CEP83: variants seen among roughly 807,000 people sequenced by gnomAD.
CEP83 encodes the protein centrosomal protein 83.
CEP83 carries 70 observed loss-of-function variants against 101.9 expected under a neutral mutation model. That is an observed-to-expected ratio of 0.69 (90% CI 0.57 to 0.84). The LOEUF (loss-of-function observed/expected upper bound fraction) is 0.84. Ranked by LOEUF, CEP83 falls within the 40% of genes least tolerant of loss-of-function variation. The pLI, the probability that CEP83 is intolerant of heterozygous loss-of-function variation, is 0.00. For missense variants in CEP83, 715 were observed against 787.2 expected (o/e 0.91, Z 1.10); for synonymous variants, 264 against 267.9 (o/e 0.99, Z 0.14).
chr12:94,437,762 C>G (rs58303680), intron 1 of CEP83, among the ~76,000 whole-genome samples: 1 of 152,156 alleles, frequency 6.6e-6, no homozygotes, highest in Admixed American at 6.5e-5. Context: ...CTCAAAACAT[C>G]AAAATAGAAC....
At chr12:94,293,893 C>T in the CEP83 span, among the ~76,000 whole-genome samples, 263 of 152,158 alleles carry the variant, frequency 1.7e-3, 11 homozygotes, top group East Asian at 0.041. Context: ...GTGCTGGGAT[C>T]GCAGGAGTGA....
intron 6 of CEP83, among the ~76,000 whole-genome samples, chr12:94,398,648 G>T (rs1312091226): frequency 6.6e-6 from 1 of 152,132 alleles, no homozygotes; most frequent in Non-Finnish European, 1.5e-5. Context: ...CGATTTTCAG[G>T]GAACAAGGGA....
At chr12:94,322,091 T>A (rs990017104) in intron 14 of CEP83, among the ~76,000 whole-genome samples, 10 of 152,004 alleles carry the variant, frequency 6.6e-5, no homozygotes, top group African/African-American at 2.4e-4. Flanking sequence ...TAACAGGAGG[T>A]GGCTAGAGAC....
Position 94,376,438 on chromosome 12 carries a change from T to A in CEP83, c.802-421A>T, listed in dbSNP as rs1404443644. 2.0e-5 allele frequency among the ~76,000 whole-genome samples: 3 copies of A among 150,532 alleles called. No homozygotes were observed. The East Asian group carries it at 5.8e-4, about 29-fold the overall frequency. On this transcript the variant is annotated intron_variant, in intron 7 of 16. Coordinates refer to ENST00000397809, the MANE Select transcript of CEP83 (RefSeq NM_016122.3). The stretch of plus-strand genomic sequence containing the variant: ...GATAGTAACAAGTAAAAATTGAAAA[T>A]CTAAAATCAATGATTTTAAAAAAAG...
chr12:94,278,714 T>C, the CEP83 span, among the ~76,000 whole-genome samples: 1 of 152,104 alleles, frequency 6.6e-6, no homozygotes, highest in Non-Finnish European at 1.5e-5. Context: ...GTGACCTCTT[T>C]GGGCCGGGCA....
intron 8 of CEP83, among the ~76,000 whole-genome samples, chr12:94,375,436 G>A (rs1474666237): frequency 6.6e-6 from 1 of 151,794 alleles, no homozygotes; most frequent in African/African-American, 2.4e-5. Context: ...AAGTGAACAG[G>A]AGGAAAAATA....
At chr12:94,331,249 C>T (rs1465140980) in intron 14 of CEP83, among the ~76,000 whole-genome samples, 2 of 129,494 alleles carry the variant, frequency 1.5e-5, no homozygotes, top group African/African-American at 6.2e-5. Context: ...CAAGATTGCA[C>T]CACTGCAATC....
intron 8 of CEP83, among the ~76,000 whole-genome samples, 156 bp downstream of exon 8, chr12:94,375,730 A>G (rs1266100705): frequency 6.6e-6 from 1 of 152,232 alleles, no homozygotes; most frequent in East Asian, 1.9e-4. Context: ...GAGGCATAAG[A>G]TAACATACTC....
At chr12:94,369,628 C>T (rs1361215613) in intron 9 of CEP83, 3 of 209,970 alleles carry the variant, frequency 1.4e-5, no homozygotes, top group Non-Finnish European at 2.8e-5. Flanking sequence ...CTAATAACTA[C>T]ACCATAAATA....
chr12:94,458,092 G>A (rs1441921654), intron 1 of CEP83, among the ~76,000 whole-genome samples: 2 of 151,884 alleles, frequency 1.3e-5, no homozygotes, highest in African/African-American at 4.8e-5. Flanking sequence ...AGCTACTCGG[G>A]AGGCTGAGAG....
chr12:94,337,164 T>G (rs2136561613), intron 11 of CEP83, among the ~76,000 whole-genome samples: 1 of 152,246 alleles, frequency 6.6e-6, no homozygotes, highest in South Asian at 2.1e-4. Context: ...TCTATATAGG[T>G]TACACAGACA....
intron 6 of CEP83, among the ~76,000 whole-genome samples, chr12:94,390,974 A>G (rs2062487449): frequency 6.6e-6 from 1 of 152,208 alleles, no homozygotes; most frequent in South Asian, 2.1e-4. Context: ...ATATGGGACT[A>G]TGTGAAAAGA....
intron 2 of CEP83, among the ~76,000 whole-genome samples, chr12:94,433,505 A>C (rs1418247162): frequency 6.6e-6 from 1 of 152,020 alleles, no homozygotes; most frequent in Non-Finnish European, 1.5e-5. Flanking sequence ...ACATGGTGAA[A>C]GCCTGTTTCT....
intron 1 of CEP83, among the ~76,000 whole-genome samples, chr12:94,442,830 C>G (rs1286827794): frequency 3.3e-5 from 5 of 152,178 alleles, no homozygotes; most frequent in Admixed American, 3.3e-4. Flanking sequence ...ATCCTCTATC[C>G]TCTATTTATA....
intron 1 of CEP83, among the ~76,000 whole-genome samples, chr12:94,446,623 G>A (rs542545842): frequency 9.2e-5 from 14 of 152,224 alleles, no homozygotes; most frequent in South Asian, 2.1e-4. Context: ...CAAGAGAATC[G>A]CTTGAACCTG....
At chr12:94,412,848 C>T (rs1452219463) in intron 2 of CEP83, among the ~76,000 whole-genome samples, 3 of 150,572 alleles carry the variant, frequency 2.0e-5, no homozygotes, top group Non-Finnish European at 3.0e-5. Flanking sequence ...GCCACCATAC[C>T]CGGCTAATTT....
At chr12:94,402,308 G>A (rs1261698742) in intron 5 of CEP83, 1 of 152,086 alleles carries the variant, frequency 6.6e-6, no homozygotes, top group African/African-American at 2.4e-5. Context: ...AACAGGTAAA[G>A]GTTCCTCCTC....
At chr12:94,369,870 TC>T in intron 9 of CEP83, 51 bp downstream of exon 9, 1 of 916,444 alleles carries the variant, frequency 1.1e-6, no homozygotes, top group Non-Finnish European at 1.7e-6. Context: ...TAATTTGAGT[TC>T]ATATCTGAAA....
the CEP83 span, among the ~76,000 whole-genome samples, chr12:94,284,229 C>T: frequency 6.6e-6 from 1 of 152,148 alleles, no homozygotes; most frequent in African/African-American, 2.4e-5. Context: ...TCCTAAACCA[C>T]AATCCCAATC....
Sources: allele counts gnomAD v4.1 joint callset (sites outside exome capture counted in the v4.1 genomes callset), GRCh38; gene constraint gnomAD v4.1.1; transcripts MANE v1.5; gene names NCBI Gene and HGNC (gene_info 2026-07-23, HGNC 2026-07-21).